NTRK3: variants seen among roughly 807,000 people sequenced by gnomAD.
The protein encoded by NTRK3 is NT-3 growth factor receptor.
In NTRK3, 24 loss-of-function variants were observed where a neutral mutation model predicts 91.7. That is an observed-to-expected ratio of 0.26 (90% CI 0.19 to 0.37). The LOEUF is 0.37. NTRK3 is among the 10% of genes least tolerant of loss of function. The pLI, the probability that NTRK3 is intolerant of heterozygous loss-of-function variation, is 1.00. For synonymous variants in NTRK3, 483 were observed against 404.0 expected (o/e 1.20, Z -2.34); for missense variants, 880 against 1,068.9 (o/e 0.82, Z 2.46).
intron 14 of NTRK3, among the ~76,000 whole-genome samples, chr15:88,020,143 G>T (rs1364581396): frequency 6.6e-6 from 1 of 152,244 alleles, no homozygotes; most frequent in African/African-American, 2.4e-5. Flanking sequence ...ATACAGGGGA[G>T]AAGGGGAATT....
intron 17 of NTRK3, among the ~76,000 whole-genome samples, chr15:87,889,967 T>TTTAC (rs1434546787): frequency 7.3e-6 from 1 of 136,410 alleles, no homozygotes; most frequent in African/African-American, 3.6e-5. Context: ...TATTTATTTA[T>TTTAC]TTATTTATTT....
intron 14 of NTRK3, among the ~76,000 whole-genome samples, chr15:88,001,789 T>G (rs2076114155): frequency 6.6e-6 from 1 of 152,154 alleles, no homozygotes; most frequent in African/African-American, 2.4e-5. Flanking sequence ...AAATTTGTTC[T>G]TCTTTTTCAG....
intron 14 of NTRK3, chr15:87,979,417 G>A: frequency 1.2e-6 from 2 of 1,613,746 alleles, no homozygotes; most frequent in Non-Finnish European, 1.7e-6. Context: ...TAAGAGGCTT[G>A]GAATGTCCGG....
intron 13 of NTRK3, among the ~76,000 whole-genome samples, chr15:88,088,115 A>T (rs1208737526): frequency 4.6e-5 from 7 of 152,176 alleles, no homozygotes. Context: ...TAAAGCTGTT[A>T]AAAAATATGT....
At chr15:88,183,705 G>T (rs566938319) in intron 4 of NTRK3, among the ~76,000 whole-genome samples, 1 of 152,196 alleles carries the variant, frequency 6.6e-6, no homozygotes, top group African/African-American at 2.4e-5. Context: ...AGGCTGGGAG[G>T]TCAGGGGTCA....
At chr15:87,970,788 T>G (rs181583376) in intron 14 of NTRK3, among the ~76,000 whole-genome samples, 20 of 152,282 alleles carry the variant, frequency 1.3e-4, no homozygotes, top group Admixed American at 1.1e-3. Flanking sequence ...CCTTACAACA[T>G]CATTTGTCTA....
intron 14 of NTRK3, among the ~76,000 whole-genome samples, chr15:88,030,976 G>A (rs932252697): frequency 6.6e-6 from 1 of 152,154 alleles, no homozygotes; most frequent in Non-Finnish European, 1.5e-5. Flanking sequence ...TCGTTCTGAA[G>A]TATTGGCTAG....
At chr15:88,215,766 G>T (rs948295430) in intron 3 of NTRK3, among the ~76,000 whole-genome samples, 1 of 152,148 alleles carries the variant, frequency 6.6e-6, no homozygotes, top group African/African-American at 2.4e-5. Flanking sequence ...GCAGTACCAG[G>T]GTAACATCTA....
chr15:88,225,768 C>T (rs140489351), intron 3 of NTRK3, among the ~76,000 whole-genome samples: 1 of 152,280 alleles, frequency 6.6e-6, no homozygotes, highest in Non-Finnish European at 1.5e-5. Flanking sequence ...CTCAGGGAGC[C>T]GACAGCCCCG....
intron 14 of NTRK3, among the ~76,000 whole-genome samples, chr15:87,999,063 C>G (rs543947318): frequency 1.3e-5 from 2 of 152,262 alleles, no homozygotes; most frequent in African/African-American, 4.8e-5. Context: ...ATGAAAGGCT[C>G]CTGTGGGTGC....
chr15:88,080,006 A>G (rs1392573021), intron 13 of NTRK3, among the ~76,000 whole-genome samples: 2 of 152,198 alleles, frequency 1.3e-5, no homozygotes, highest in African/African-American at 4.8e-5. Context: ...AATACCGTAA[A>G]TATTTTTCAT....
intron 14 of NTRK3, among the ~76,000 whole-genome samples, chr15:88,014,601 C>T (rs2077100901): frequency 6.6e-6 from 1 of 152,202 alleles, no homozygotes; most frequent in Non-Finnish European, 1.5e-5. Flanking sequence ...AAGCGAGGAT[C>T]ATATTGCAAC....
chr15:87,917,363 C>A (rs1220983744), intron 17 of NTRK3, among the ~76,000 whole-genome samples: 1 of 152,150 alleles, frequency 6.6e-6, no homozygotes, highest in Non-Finnish European at 1.5e-5. Context: ...AGTGAGCAAA[C>A]CATCTGTCTG....
intron 5 of NTRK3, among the ~76,000 whole-genome samples, chr15:88,165,760 G>A (rs1215555382): frequency 6.6e-6 from 1 of 152,182 alleles, no homozygotes; most frequent in African/African-American, 2.4e-5. Flanking sequence ...GCTAGTTCAA[G>A]GTCACGAAGC....
chr15:88,122,983 G>C (rs910084113), intron 13 of NTRK3, among the ~76,000 whole-genome samples: 1 of 152,146 alleles, frequency 6.6e-6, no homozygotes, highest in Non-Finnish European at 1.5e-5. Context: ...ACAGACATAT[G>C]GTCTACCAGC....
Position 88,126,264 on chromosome 15 carries a change from A to G in NTRK3, c.1396+7T>C, listed in dbSNP as rs1364940615. On this transcript the variant is annotated splice_region_variant and intron_variant, in intron 13 of 18. Transcript: ENST00000394480. The stretch of plus-strand genomic sequence containing the variant: ...TGACGCCCTTGAAAATGAAACTCCC[A>G]CCTTACCCTTCATTCCAAATTTGGA... 1 of 1,600,316 alleles carries G rather than the reference A, an allele frequency of 6.2e-7. No homozygotes were observed. The highest frequency in any genetic ancestry group is 1.1e-5 in the South Asian group (1 of 90,770).
intron 13 of NTRK3, among the ~76,000 whole-genome samples, chr15:88,056,005 A>C (rs971557180): frequency 4.6e-5 from 7 of 151,904 alleles, no homozygotes; most frequent in African/African-American, 1.5e-4. Flanking sequence ...ATAGTACTGC[A>C]TGTAGGTTAA....
rs2051925762 is a variant in NTRK3, at chr15:88,237,733, CT to C, written c.248+18172del. ...GCTTACATGACCGACTAAGCAGACA[CT>C]TTGGGCATTCGCAACAAGACACACC... On this transcript the variant is annotated intron_variant, in intron 3 of 18. Transcript: ENST00000394480. This position sits in a 1 kb window ranked among gnomAD's most constrained non-coding sequence, Gnocchi z 4.0. Among the ~76,000 whole-genome samples, 1 of 151,988 alleles carries C rather than the reference CT, an allele frequency of 6.6e-6. No individual in the cohort carries two copies. The highest frequency in any genetic ancestry group is 1.5e-5 in the Non-Finnish European group (1 of 68,012).
chr15:87,916,392 T>G, intron 17 of NTRK3: 2 of 622,124 alleles, frequency 3.2e-6, no homozygotes, highest in South Asian at 1.9e-5. Context: ...TCCACAGGAG[T>G]AGAGAGACGT....
Sources: gnomAD v4.1 joint callset for allele counts (sites outside exome capture counted in the v4.1 genomes callset) on GRCh38, gnomAD v4.1.1 for gene constraint, Gnocchi (gnomAD v3.1) non-coding constraint, MANE v1.5 for transcripts, NCBI Gene and HGNC (gene_info 2026-07-23, HGNC 2026-07-21) for gene names.